The following RYR3 variants were observed in gnomAD, a reference collection of about 807,000 sequenced individuals.
RYR3 encodes the protein brain ryanodine receptor-calcium release channel.
A neutral mutation model predicts 584.3 loss-of-function variants in RYR3; 207 were observed. The ratio of observed to expected loss-of-function variants is 0.35; its 90% confidence interval spans 0.32 to 0.40. The LOEUF (loss-of-function observed/expected upper bound fraction) is 0.40, where lower values mean the gene tolerates loss of function less well. Among genes scored for constraint, RYR3 ranks in the 10% least tolerant of loss-of-function variants. The pLI is 1.00. For missense variants in RYR3, 5,616 were observed against 6,089.2 expected (o/e 0.92, Z 2.59); for synonymous variants, 2,416 against 2,248.5 (o/e 1.07, Z -2.11).
rs771479395 is a variant in RYR3 at position 33,697,968 on chromosome 15, T to C, written c.6221T>C (p.Val2074Ala). ...CACGAGACGGTGATGGAGGTGATGG[T>C]GAACGTGTTGGGTACAGAGAAATCT... ...GMHETVMEVM[V>A]NVLGTEKSQI... The change falls in exon 40 of 104, where the codon GTG becomes GCG. Residue 2074 changes from valine (V) to alanine (A), a missense_variant. Physicochemically the swap from Val to Ala is moderately conservative, Grantham distance 64 (BLOSUM62 0). Transcript: ENST00000634891. 1.2e-6 allele frequency: 2 copies of C among 1,613,278 alleles called. No homozygotes were observed. Among genetic ancestry groups the C allele is most frequent in the East Asian group, 4.5e-5 (2 of 44,868 alleles).
At position 33,854,508 on chromosome 15, in the gene RYR3, A is replaced by G; in HGVS notation, c.13860+59A>G. On this transcript the variant is annotated intron_variant, in intron 97 of 103. Coordinates refer to ENST00000634891, the MANE Select transcript of RYR3 (RefSeq NM_001036.6). ...ACCCCAGTTCAGGGATGCCACAGAG[A>G]AGCAAGCTATGCAGGATGCTCAGAA... 2.9e-6 allele frequency: 4 copies of G among 1,396,704 alleles called. No individual in the cohort carries two copies. The South Asian group carries it at 5.2e-5, about 18-fold the overall frequency. 86.5% of individuals were successfully genotyped at this position (1,396,704 alleles called of 1,614,324 possible). A position where few individuals can be genotyped will look rare whatever the true frequency, so the allele number is the denominator to read the frequency against.
At chr15:33,564,576 G>C (rs974310502) in intron 11 of RYR3, among the ~76,000 whole-genome samples, 1 of 152,174 alleles carries the variant, frequency 6.6e-6, no homozygotes, top group East Asian at 1.9e-4. Context: ...ATAGAGTGCA[G>C]TAATACCATC....
At chr15:33,608,668 A>G (rs1477475190) in intron 18 of RYR3, among the ~76,000 whole-genome samples, 1 of 152,188 alleles carries the variant, frequency 6.6e-6, no homozygotes, top group African/African-American at 2.4e-5. Flanking sequence ...TCATTTCTAG[A>G]TAATATTAGT....
chr15:33,682,060 T>G (rs2064665734), intron 38 of RYR3, among the ~76,000 whole-genome samples: 1 of 152,236 alleles, frequency 6.6e-6, no homozygotes, highest in South Asian at 2.1e-4. Flanking sequence ...TGACCTTTCC[T>G]TTATGGTAGT....
chr15:33,440,504 G>A (rs1244605644), intron 1 of RYR3, among the ~76,000 whole-genome samples: 1 of 152,198 alleles, frequency 6.6e-6, no homozygotes, highest in Non-Finnish European at 1.5e-5. Context: ...GGTTCCTACA[G>A]CTGGAGTGCT....
At chr15:33,811,409 G>A (rs2076535169) in intron 72 of RYR3, among the ~76,000 whole-genome samples, 1 of 151,914 alleles carries the variant, frequency 6.6e-6, no homozygotes, top group Non-Finnish European at 1.5e-5. Context: ...GGAGGCTGAG[G>A]CAGAGGCAGG....
At chr15:33,437,623 T>C (rs1402923396) in intron 1 of RYR3, among the ~76,000 whole-genome samples, 3 of 152,252 alleles carry the variant, frequency 2.0e-5, no homozygotes, top group Non-Finnish European at 2.9e-5. Flanking sequence ...TTGGGATAAC[T>C]GTTGAGTGAG....
intron 74 of RYR3, chr15:33,815,894 T>G (rs897747249): frequency 1.5e-5 from 6 of 398,466 alleles, no homozygotes; most frequent in Non-Finnish European, 2.7e-5. Flanking sequence ...AAAAGGTTAA[T>G]GAAAAAACTC....
chr15:33,797,610 A>T (rs759905905), intron 67 of RYR3, among the ~76,000 whole-genome samples: 2 of 152,104 alleles, frequency 1.3e-5, no homozygotes, highest in Non-Finnish European at 2.9e-5. Flanking sequence ...GCCAAAGAAA[A>T]ATATGTTCAG....
intron 1 of RYR3, among the ~76,000 whole-genome samples, chr15:33,454,975 C>T (rs1364667077): frequency 6.6e-6 from 1 of 152,156 alleles, no homozygotes; most frequent in African/African-American, 2.4e-5. Context: ...TGAGATTTGT[C>T]TTTTTGCATA....
intron 18 of RYR3, among the ~76,000 whole-genome samples, chr15:33,604,056 T>C (rs2059797138): frequency 6.6e-6 from 1 of 152,242 alleles, no homozygotes; most frequent in Non-Finnish European, 1.5e-5. Flanking sequence ...TCTCAGGCTT[T>C]CATCAAGAAG....
intron 98 of RYR3, chr15:33,856,561 CTTCAAAG>C (rs2079682707): frequency 6.6e-6 from 1 of 152,276 alleles, no homozygotes; most frequent in African/African-American, 2.4e-5. Flanking sequence ...CTTAGAGTAA[CTTCAAAG>C]TTGTGACAAT....
intron 67 of RYR3, among the ~76,000 whole-genome samples, chr15:33,798,379 C>CCATGCCCAG (rs1301475305): frequency 6.6e-6 from 1 of 152,194 alleles, no homozygotes; most frequent in African/African-American, 2.4e-5. Context: ...GTGTGAGCCA[C>CCATGCCCAG]CATGCCCAGC....
chr15:33,594,268 A>C (rs571929769), intron 16 of RYR3, among the ~76,000 whole-genome samples: 2 of 152,318 alleles, frequency 1.3e-5, no homozygotes, highest in East Asian at 1.9e-4. Context: ...AGTGTATCCA[A>C]CTGTGCCCTA....
chr15:33,550,384 C>T lies in RYR3; in HGVS notation c.972+68C>T, dbSNP rs138198673. ...AAAACTCAGAAACCTCCAGGCAGAA[C>T]TATAACTGGAAAAGAAAGTAGGCTG... On this transcript the variant is annotated intron_variant, in intron 10 of 103. Transcript: ENST00000634891. 1.3e-5 allele frequency: 19 copies of T among 1,443,288 alleles called. No individual in the cohort carries two copies. In the African/African-American group the frequency reaches 2.6e-4, roughly 20 times the overall value. 89.4% of individuals were successfully genotyped at this position (1,443,288 alleles called of 1,614,324 possible). A position where few individuals can be genotyped will look rare whatever the true frequency, so the allele number is the denominator to read the frequency against.
At position 33,427,248 on chromosome 15, in the gene RYR3, C is replaced by G. The variant is rs376998950; in HGVS notation, c.52-46171C>G. Among the ~76,000 whole-genome samples the G allele has an allele frequency of 2.6e-5, 4 of 152,242 alleles. No homozygotes were observed. In the East Asian group the frequency reaches 5.8e-4, roughly 22 times the overall value. On this transcript the variant is annotated intron_variant, in intron 1 of 103. Transcript: ENST00000634891. ...AGCAGTATCAAAATTTAATGTTCCA[C>G]TCTTTGTTGGATTTGGCCCCAATTT...
Position 33,800,639 on chromosome 15 carries a change from T to C in RYR3, c.9831-131T>C. The stretch of plus-strand genomic sequence containing the variant: ...TATATTGCTATTTAGTCTCCCTGAT[T>C]ATTGCTTTCATATGAGAATGCAGTT... On this transcript the variant is annotated intron_variant, in intron 67 of 103. Transcript: ENST00000634891. 4.7e-6 allele frequency: 3 copies of C among 636,968 alleles called. No individual in the cohort carries two copies. In the South Asian group the frequency reaches 5.8e-5, roughly 12 times the overall value. The allele number at this position is 636,968 out of a possible 1,614,324, so 39.5% of individuals were successfully genotyped here. A position where few individuals can be genotyped will look rare whatever the true frequency, so the allele number is the denominator to read the frequency against.
intron 1 of RYR3, among the ~76,000 whole-genome samples, chr15:33,386,363 G>C (rs1282313242): frequency 6.6e-6 from 1 of 152,176 alleles, no homozygotes; most frequent in Non-Finnish European, 1.5e-5. Context: ...TCTTGGAGAA[G>C]AGTGTTAATA....
intron 1 of RYR3, among the ~76,000 whole-genome samples, chr15:33,430,313 A>T (rs993115188): frequency 6.6e-6 from 1 of 152,224 alleles, no homozygotes; most frequent in Non-Finnish European, 1.5e-5. Flanking sequence ...GGGAGGGAGA[A>T]GTCACAGGCA....
Sources: gnomAD v4.1 joint callset for allele counts (sites outside exome capture counted in the v4.1 genomes callset) on GRCh38, gnomAD v4.1.1 for gene constraint, MANE v1.5 for transcripts, NCBI Gene and HGNC (gene_info 2026-07-23, HGNC 2026-07-21) for gene names.